DENND5A: variants seen among roughly 807,000 people sequenced by gnomAD.
DENND5A encodes DENN domain-containing protein 5A.
DENND5A carries 64 observed loss-of-function variants against 140.3 expected under a neutral mutation model. The ratio of observed to expected loss-of-function variants is 0.46; its 90% CI spans 0.37 to 0.56. The LOEUF (loss-of-function observed/expected upper bound fraction) is 0.56, where lower values mean the gene tolerates loss of function less well. DENND5A is among the 20% of genes least tolerant of loss of function. The pLI is 0.00. For missense variants in DENND5A, 1,292 were observed against 1,593.8 expected, an observed-to-expected ratio of 0.81 and a Z score of 3.22; for synonymous variants, 605 against 607.7, an observed-to-expected ratio of 1.00 and a Z score of 0.07.
chr11:9,158,838 T>A (rs1044597406), intron 12 of DENND5A, among the ~76,000 whole-genome samples: 10 of 152,204 alleles, frequency 6.6e-5, no homozygotes, highest in Non-Finnish European at 1.5e-4. Flanking sequence ...AACCACTTCA[T>A]TGAGATATAA....
chr11:9,250,016 C>T (rs1311875264), intron 1 of DENND5A, among the ~76,000 whole-genome samples: 1 of 147,420 alleles, frequency 6.8e-6, no homozygotes, highest in Non-Finnish European at 1.5e-5. Flanking sequence ...ATTTCCTCTT[C>T]TGTGTTCATG....
At chr11:9,189,527 A>G (rs2136189928) in intron 5 of DENND5A, among the ~76,000 whole-genome samples, 1 of 152,210 alleles carries the variant, frequency 6.6e-6, no homozygotes, top group African/African-American at 2.4e-5. Flanking sequence ...CCATAAAAGC[A>G]GCCAGGAGGG....
At chr11:9,166,015 C>T (rs374972930) in intron 10 of DENND5A, 48 bp from the exon 11 acceptor site, 1 of 1,601,042 alleles carries the variant, frequency 6.2e-7, no homozygotes, top group Non-Finnish European at 8.6e-7. Context: ...TGTACATAAA[C>T]CAAAGGTCAG....
In DENND5A at chr11:9,145,063, A is replaced by C. The variant is rs1240176558; in HGVS notation, c.3054T>G (p.Ser1018=). Residue 1018 remains serine (S), a synonymous_variant, in exon 18 of 23, where the codon TCT becomes TCG. Coordinates refer to ENST00000328194, the MANE Select transcript of DENND5A (RefSeq NM_015213.4). ...LTTVQIGHDN[S]GLYAKWLVEY... The stretch of plus-strand genomic sequence containing the variant: ...CCACCAGCCATTTGGCATACAGCCC[A>C]GAGTTATCATGGCCAATCTGGACAG... 1 of 1,614,176 alleles carries C rather than the reference A, an allele frequency of 6.2e-7. No individual in the cohort carries two copies. The highest frequency in any genetic ancestry group is 1.3e-5 in the African/African-American group (1 of 75,056).
At chr11:9,176,834 T>C (rs1479603614) in intron 8 of DENND5A, 1 of 456,040 alleles carries the variant, frequency 2.2e-6, no homozygotes, top group East Asian at 6.9e-5. Flanking sequence ...GGTAACATTA[T>C]ACCCAGTTCA....
In DENND5A at chr11:9,185,342, T is replaced by C. The variant is rs58631549; in HGVS notation, c.1138-4258A>G. ...AAGATTTAAACTTGTGCTTTTGACA[T>C]TTAACTTCTTAATCCATCTGAAGTT... On this transcript the variant is annotated intron_variant, in intron 5 of 22. Transcript: ENST00000328194. 7.4e-3 allele frequency among the ~76,000 whole-genome samples: 1,127 copies of C among 152,352 alleles called. 10 individuals carry two copies. Among genetic ancestry groups the C allele is most frequent in the African/African-American group, 0.026 (1,084 of 41,578 alleles).
intron 4 of DENND5A, among the ~76,000 whole-genome samples, chr11:9,201,203 A>T (rs1170925819): frequency 6.8e-6 from 1 of 147,308 alleles, no homozygotes; most frequent in South Asian, 2.1e-4. Context: ...CTAGCTCTAC[A>T]AAAAAAAAAA....
chr11:9,150,903 T>C, intron 13 of DENND5A, 139 bp from the exon 14 acceptor site: 1 of 489,112 alleles, frequency 2.0e-6, no homozygotes, highest in Non-Finnish European at 3.6e-6. Context: ...GTTTCATAAA[T>C]ATTTATGAAA....
In DENND5A at chr11:9,152,397, G is replaced by A. The variant is rs549657250; in HGVS notation, c.2482C>T (p.Arg828Trp). ...CTTCCTGATGTGAGTTTTCTCTGCC[G>A]GTTGTCCTGATAATGTAACAGGTGG... ...WSHLLHYQDN[R>W]QRKLTSGSLS... The change falls in exon 13 of 23, where the codon CGG (arginine) becomes TGG (tryptophan). Residue 828 changes from arginine to tryptophan, a missense_variant. This residue lies in a region of DENND5A where 498 missense variants were observed against 689.7 expected (regional missense o/e 0.72). Coordinates refer to ENST00000328194, the MANE Select transcript of DENND5A (RefSeq NM_015213.4). The A allele has an allele frequency of 8.7e-6, 14 of 1,613,776 alleles. No homozygotes were observed. The highest frequency in any genetic ancestry group is 6.6e-5 in the South Asian group (6 of 91,082).
At chr11:9,184,148 A>C (rs1276788658) in intron 5 of DENND5A, among the ~76,000 whole-genome samples, 2 of 152,040 alleles carry the variant, frequency 1.3e-5, no homozygotes, top group Admixed American at 6.5e-5. Flanking sequence ...GTCAGGAGAT[A>C]GAGACCATCC....
intron 6 of DENND5A, among the ~76,000 whole-genome samples, chr11:9,180,451 T>G (rs1232271238): frequency 6.6e-6 from 1 of 152,058 alleles, no homozygotes; most frequent in Admixed American, 6.6e-5. Flanking sequence ...AGAACCTCTC[T>G]CAAAAAATAA....
chr11:9,260,855 A>C lies in DENND5A; in HGVS notation c.109+4106T>G, dbSNP rs55970987. ...TTTTTTATTTTTTATTTTTAGTTGT[A>C]TTTGTTTATTTGAGACAGGGTCTCA... On this transcript the variant is annotated intron_variant, in intron 1 of 22. Transcript: ENST00000328194. Among the ~76,000 whole-genome samples, 396 of 152,042 alleles carry C rather than the reference A, an allele frequency of 2.6e-3. 2 individuals are homozygous for C. The highest frequency in any genetic ancestry group is 9.0e-3 in the African/African-American group (372 of 41,472).
chr11:9,236,043 C>A (rs1683793076), intron 1 of DENND5A, among the ~76,000 whole-genome samples: 1 of 151,748 alleles, frequency 6.6e-6, no homozygotes, highest in Admixed American at 6.6e-5. Context: ...GAGGTCAAGA[C>A]CAGCCTAAGC....
chr11:9,174,509 G>C (rs1309374422), intron 8 of DENND5A, among the ~76,000 whole-genome samples: 1 of 142,728 alleles, frequency 7.0e-6, no homozygotes, highest in East Asian at 2.0e-4. Context: ...AATAAAGAAG[G>C]TTATTTCTTT....
At chr11:9,193,061 C>A (rs377706630) in intron 5 of DENND5A, among the ~76,000 whole-genome samples, 54 of 152,154 alleles carry the variant, frequency 3.5e-4, no homozygotes, top group African/African-American at 7.5e-4. Context: ...CCTGCATCTA[C>A]AAGACATAAA....
intron 11 of DENND5A, among the ~76,000 whole-genome samples, chr11:9,163,843 A>G (rs1020236829): frequency 1.3e-5 from 2 of 149,176 alleles, no homozygotes; most frequent in African/African-American, 2.5e-5. Flanking sequence ...AGCAGCTTAG[A>G]AAAAAAAAAT....
At chr11:9,178,499 T>TA in intron 7 of DENND5A, 133 bp from the exon 8 acceptor site, 1 of 611,872 alleles carries the variant, frequency 1.6e-6, no homozygotes, top group Non-Finnish European at 2.8e-6. Context: ...AATCTCTACA[T>TA]TAAAAAAAAA....
At chr11:9,257,252 T>C (rs1043512636) in intron 1 of DENND5A, among the ~76,000 whole-genome samples, 1 of 151,846 alleles carries the variant, frequency 6.6e-6, no homozygotes, top group African/African-American at 2.4e-5. Flanking sequence ...TGCCTCAGCC[T>C]CCCAAAGTGC....
chr11:9,214,976 C>T (rs895331141), intron 1 of DENND5A, among the ~76,000 whole-genome samples: 2 of 152,182 alleles, frequency 1.3e-5, no homozygotes, highest in African/African-American at 4.8e-5. Context: ...CATTGTCCAC[C>T]TTGGCCTCCC....
Sources: allele counts gnomAD v4.1 joint callset (sites outside exome capture counted in the v4.1 genomes callset), GRCh38; gene constraint gnomAD v4.1.1; regional missense constraint gnomAD v4.1.1; transcripts MANE v1.5; gene names NCBI Gene and HGNC (gene_info 2026-07-23, HGNC 2026-07-21).